Variants in AP4E1 observed in about 807,000 individuals in gnomAD.
AP4E1 encodes the protein AP-4 complex subunit epsilon-1.
A neutral mutation model predicts 128.2 loss-of-function variants in AP4E1; 56 were observed. The observed-to-expected ratio is 0.44, with a 90% CI of 0.35 to 0.55. AP4E1 has a LOEUF of 0.55. Ranked by LOEUF, AP4E1 falls within the 20% of genes least tolerant of loss-of-function variation. AP4E1 has a pLI of 0.00. For synonymous variants in AP4E1, 484 were observed against 473.1 expected, an observed-to-expected ratio of 1.02 and a Z score of -0.30; for missense variants, 1,324 against 1,307.7, an observed-to-expected ratio of 1.01 and a Z score of -0.19.
upstream of AP4E1, among the ~76,000 whole-genome samples, chr15:50,907,927 C>T (rs1198734126): frequency 6.6e-6 from 1 of 152,206 alleles, no homozygotes; most frequent in African/African-American, 2.4e-5. Context: ...GTAGTGGCAA[C>T]TGCGACCTGT....
intron 16 of AP4E1, among the ~76,000 whole-genome samples, chr15:50,986,029 T>A (rs945911347): frequency 6.6e-6 from 1 of 152,278 alleles, no homozygotes; most frequent in Admixed American, 6.5e-5. Flanking sequence ...TCCTTCACAT[T>A]GCTTGTAAGT....
chr15:50,929,120 T>C lies in AP4E1; in HGVS notation c.654T>C (p.Asp218=). The part of the protein sequence containing the change: ...IKFRKALCDR[D]VGVMAASLHI... ...TTCGGAAAGCACTTTGTGACAGAGA[T>C]GTTGGGGTCATGGCTGCCTCCTTGC... Residue 218 remains aspartate, a synonymous_variant, in exon 6 of 21, where the codon GAT becomes GAC. Coordinates refer to ENST00000261842, the MANE Select transcript of AP4E1 (RefSeq NM_007347.5). 6.2e-7 allele frequency: 1 copy of C among 1,613,902 alleles called. No individual in the cohort carries two copies. Among genetic ancestry groups the C allele is most frequent in the Non-Finnish European group, 8.5e-7 (1 of 1,179,914 alleles).
rs533045050 is a variant in AP4E1, at chr15:50,965,128, G to T, written c.1852-3135G>T. Among the ~76,000 whole-genome samples the T allele has an allele frequency of 2.0e-5, 3 of 152,248 alleles. No homozygotes were observed. The South Asian group carries it at 6.2e-4, about 32-fold the overall frequency. ...TATCATGCTTCTTGTACAGCCTGCA[G>T]ATCCGCGAGTCAATGAAACCTATTT... On this transcript the variant is annotated intron_variant, in intron 14 of 20. Transcript: ENST00000261842.
At chr15:50,918,501 CTACAT>C (rs2063656024) in intron 3 of AP4E1, among the ~76,000 whole-genome samples, 1 of 152,082 alleles carries the variant, frequency 6.6e-6, no homozygotes, top group African/African-American at 2.4e-5. Context: ...CCAACTGTTG[CTACAT>C]TTTGCTTCTT....
At chr15:50,934,425 CA>C in intron 7 of AP4E1, 198 bp from the exon 8 acceptor site, 2 of 486,094 alleles carry the variant, frequency 4.1e-6, no homozygotes, top group Admixed American at 6.9e-5. Context: ...GTTAACTAGT[CA>C]ACTTTGATAA....
chr15:50,991,158 G>A (rs775434624), intron 16 of AP4E1, among the ~76,000 whole-genome samples: 2 of 152,182 alleles, frequency 1.3e-5, no homozygotes, highest in African/African-American at 2.4e-5. Context: ...GCCCTCTGCA[G>A]CTCAGGCAAT....
intron 6 of AP4E1, among the ~76,000 whole-genome samples, 180 bp from the exon 7 acceptor site, chr15:50,930,625 G>A (rs1216865162): frequency 1.3e-5 from 2 of 152,048 alleles, no homozygotes; most frequent in Non-Finnish European, 2.9e-5. Context: ...ATTCAGCTTT[G>A]GGTTGGTTAG....
intron 2 of AP4E1, among the ~76,000 whole-genome samples, chr15:50,914,591 C>T (rs946611900): frequency 1.4e-5 from 2 of 142,574 alleles, no homozygotes; most frequent in East Asian, 2.0e-4. Flanking sequence ...GTGGAGGCTG[C>T]GATGAGCCAA....
intron 17 of AP4E1, 87 bp downstream of exon 17, chr15:50,993,712 C>G: frequency 6.5e-7 from 1 of 1,535,638 alleles, no homozygotes; most frequent in Non-Finnish European, 8.9e-7. Flanking sequence ...TGGCTGTCGT[C>G]TATATGTATA....
At position 50,939,659 on chromosome 15, in the gene AP4E1, T is replaced by C. The variant is rs537606795; in HGVS notation, c.944-1783T>C. ...GCTGTTTTTGAACTATTATTTTTTT[T>C]CCCATGTTGGCACCCCAGAAACTTT... On this transcript the variant is annotated intron_variant, in intron 8 of 20. Coordinates refer to ENST00000261842, the MANE Select transcript of AP4E1 (RefSeq NM_007347.5). Among the ~76,000 whole-genome samples, 424 of 152,328 alleles carry C rather than the reference T, an allele frequency of 2.8e-3. 4 individuals are homozygous for C. Among genetic ancestry groups the C allele is most frequent in the Middle Eastern group, 0.01 (3 of 294 alleles).
At chr15:50,968,725 T>C (rs1162044509) in intron 15 of AP4E1, among the ~76,000 whole-genome samples, 2 of 152,180 alleles carry the variant, frequency 1.3e-5, no homozygotes, top group Non-Finnish European at 2.9e-5. Context: ...CCTCCCAGGC[T>C]CAAGTGGTTC....
intron 3 of AP4E1, among the ~76,000 whole-genome samples, chr15:50,920,047 A>G (rs148658731): frequency 0.016 from 2,312 of 142,618 alleles, 65 homozygotes; most frequent in African/African-American, 0.056. Flanking sequence ...ACTGCACTCC[A>G]GCCTAGGCAA....
At chr15:50,986,783 T>C (rs1483496839) in intron 16 of AP4E1, among the ~76,000 whole-genome samples, 1 of 152,216 alleles carries the variant, frequency 6.6e-6, no homozygotes, top group Admixed American at 6.5e-5. Context: ...TTTGGTTGTG[T>C]CTCTGCTAGG....
chr15:50,919,122 A>G (rs1364143396), intron 3 of AP4E1, among the ~76,000 whole-genome samples: 1 of 151,816 alleles, frequency 6.6e-6, no homozygotes, highest in Non-Finnish European at 1.5e-5. Context: ...CCCAGCTACT[A>G]GGGAGGCTGA....
chr15:50,912,412 G>C (rs2063576848), intron 2 of AP4E1, among the ~76,000 whole-genome samples: 1 of 152,178 alleles, frequency 6.6e-6, no homozygotes, highest in Non-Finnish European at 1.5e-5. Context: ...CCCTAGTGCT[G>C]ATCTGATGTT....
intron 15 of AP4E1, among the ~76,000 whole-genome samples, chr15:50,971,296 T>G (rs754707959): frequency 2.0e-5 from 3 of 152,218 alleles, no homozygotes; most frequent in Non-Finnish European, 2.9e-5. Context: ...CTCTAAGGTT[T>G]CTGCTGAGAA....
At chr15:50,945,668 A>G in intron 10 of AP4E1, 1 of 781,002 alleles carries the variant, frequency 1.3e-6, no homozygotes, top group Non-Finnish European at 2.4e-6. Flanking sequence ...TGCACTTCTG[A>G]CAGCAAGTAT....
chr15:50,977,396 T>C (rs1169365360), intron 15 of AP4E1, among the ~76,000 whole-genome samples: 2 of 152,122 alleles, frequency 1.3e-5, no homozygotes, highest in Admixed American at 6.6e-5. Flanking sequence ...GCCAAGTACA[T>C]TTTTTCCCAT....
At chr15:50,988,322 T>C (rs1266660810) in intron 16 of AP4E1, among the ~76,000 whole-genome samples, 1 of 152,220 alleles carries the variant, frequency 6.6e-6, no homozygotes, top group Non-Finnish European at 1.5e-5. Context: ...TTTATTGTTA[T>C]TATTTTTTTG....
Sources: gnomAD v4.1 joint callset for allele counts (sites outside exome capture counted in the v4.1 genomes callset) on GRCh38, gnomAD v4.1.1 for gene constraint, MANE v1.5 for transcripts, NCBI Gene and HGNC (gene_info 2026-07-23, HGNC 2026-07-21) for gene names.